Variants in CNN3 observed in about 807,000 individuals in gnomAD.
CNN3 encodes the protein calponin-3.
A neutral mutation model predicts 39.0 loss-of-function variants in CNN3; 11 were observed. The observed-to-expected ratio is 0.28, with a 90% CI of 0.18 to 0.47. The LOEUF (loss-of-function observed/expected upper bound fraction) is 0.47, where lower values mean the gene tolerates loss of function less well. CNN3 is among the 20% of genes least tolerant of loss of function. The probability of loss-of-function intolerance (pLI) is 0.99; values close to 1 mark genes in which losing one functional copy is unlikely to be tolerated. For synonymous variants in CNN3, 101 were observed against 138.3 expected (o/e 0.73, Z 1.89); for missense variants, 266 against 403.4 (o/e 0.66, Z 2.92).
At chr1:94,923,504 T>G (rs998257618) in intron 1 of CNN3, among the ~76,000 whole-genome samples, 5 of 133,098 alleles carry the variant, frequency 3.8e-5, no homozygotes. Context: ...TTCTTAGGCT[T>G]TTTTTTTTTA....
chr1:94,903,214 C>T, intron 2 of CNN3, 26 bp from the exon 3 acceptor site: 1 of 1,603,374 alleles, frequency 6.2e-7, no homozygotes, highest in Non-Finnish European at 8.5e-7. Flanking sequence ...TGAGAGACAT[C>T]TTATTTACTG....
chr1:94,903,069 C>T, intron 3 of CNN3, 53 bp downstream of exon 3: 1 of 1,314,218 alleles, frequency 7.6e-7, no homozygotes, highest in Non-Finnish European at 1.0e-6. Context: ...ATCAAGTTTT[C>T]ACTACATAAA....
rs746010061 is a variant in CNN3, at chr1:94,903,478, C to T, written c.104G>A (p.Trp35Ter). 1.9e-6 allele frequency: 3 copies of T among 1,613,752 alleles called. No individual in the cohort carries two copies. Among genetic ancestry groups the T allele is most frequent in the Non-Finnish European group, 2.5e-6 (3 of 1,179,852 alleles). The change falls in exon 2 of 7, where the codon TGG (tryptophan) becomes TAG (stop). Residue 35 changes from tryptophan to a stop codon, truncating the protein, a stop_gained. Transcript: ENST00000370206. LOFTEE classifies it high-confidence loss of function. The part of the protein sequence containing the change: ...DHQAEEDLRN[W>*]IEEVTGMSIG... ...GCTCATGCCTGTCACCTCTTCTATC[C>T]AATTGCGAAGATCTTCTTCTGCCTG...
Position 94,905,501 on chromosome 1 carries a change from A to G in CNN3, c.58-1977T>C, listed in dbSNP as rs549748831. ...CTTCTGCTTTGACTGAGAGAGGGCAAATGATTTCACTAAATTACTGTGGCA... is the reference window on the plus strand; with the variant it reads ...CTTCTGCTTTGACTGAGAGAGGGCAGATGATTTCACTAAATTACTGTGGCA... On this transcript the variant is annotated intron_variant, in intron 1 of 6. Transcript: ENST00000370206. Among the ~76,000 whole-genome samples the G allele has an allele frequency of 9.9e-5, 15 of 152,266 alleles. 1 individual carries two copies. The South Asian group carries it at 2.3e-3, about 23-fold the overall frequency.
chr1:94,918,438 G>T (rs544674809), intron 1 of CNN3, among the ~76,000 whole-genome samples: 1 of 132,566 alleles, frequency 7.5e-6, no homozygotes, highest in Admixed American at 8.2e-5. Context: ...AGGTTACAAC[G>T]AGCCGAGATC....
chr1:94,920,600 T>C (rs1282858113), intron 1 of CNN3, among the ~76,000 whole-genome samples: 1 of 152,186 alleles, frequency 6.6e-6, no homozygotes, highest in Admixed American at 6.5e-5. Context: ...ATGAGTGTTA[T>C]GATATCCTCA....
rs1326708280 is a variant in CNN3 at position 94,897,186 on chromosome 1, T to G, written c.*556A>C. ...AGATCTTGTTCGCTAGGTAAGAGAA[T>G]GAGTACACATATAATCACAAATGCA... On this transcript the variant is annotated 3_prime_UTR_variant, in exon 7 of 7. Coordinates refer to ENST00000370206, the MANE Select transcript of CNN3 (RefSeq NM_001839.5). The G allele has an allele frequency of 1.3e-5, 2 of 153,174 alleles. No homozygotes were observed. Among genetic ancestry groups the G allele is most frequent in the East Asian group, 3.9e-4 (2 of 5,184 alleles). The allele number at this position is 153,174 out of a possible 1,614,324, so 9.5% of individuals were successfully genotyped here.
At chr1:94,925,486 A>T in intron 1 of CNN3, 3 of 535,668 alleles carry the variant, frequency 5.6e-6, no homozygotes, top group Non-Finnish European at 7.2e-6. Flanking sequence ...AACACGTTTG[A>T]AAAGGTAAAG....
chr1:94,898,292 T>C (rs1019068331), intron 6 of CNN3, among the ~76,000 whole-genome samples: 1 of 152,212 alleles, frequency 6.6e-6, no homozygotes, highest in African/African-American at 2.4e-5. Context: ...AGGTGAGACC[T>C]TTCTTCAAAA....
chr1:94,897,393 A>T lies in CNN3; in HGVS notation c.*349T>A, dbSNP rs1670751451. On this transcript the variant is annotated 3_prime_UTR_variant, in exon 7 of 7. Transcript: ENST00000370206. ...CTGTAAAAAAAAAAAAAAAAAAAAA[A>T]AGTTTCCTATTGTTTGAAAATACCA... The T allele has an allele frequency of 7.2e-6, 1 of 138,186 alleles. No homozygotes were observed. The highest frequency in any genetic ancestry group is 2.3e-4 in the South Asian group (1 of 4,426). The allele number at this position is 138,186 out of a possible 1,614,324, so 8.6% of individuals were successfully genotyped here. A position where few individuals can be genotyped will look rare whatever the true frequency, so the allele number is the denominator to read the frequency against.
In CNN3 at chr1:94,921,832, A is replaced by AAAAAT. The variant is rs1441439329; in HGVS notation, c.57+5005_57+5006insATTTT. ...CATGGTATCTCTTGTCACTTCAGCA[A>AAAAAT]AGTGTATCTTATTTATCTGTTTTGG... On this transcript the variant is annotated intron_variant, in intron 1 of 6. Coordinates refer to ENST00000370206, the MANE Select transcript of CNN3 (RefSeq NM_001839.5). Among the ~76,000 whole-genome samples the AAAAAT allele has an allele frequency of 4.9e-3, 749 of 152,320 alleles. 3 individuals are homozygous for AAAAAT. The highest frequency in any genetic ancestry group is 0.014 in the African/African-American group (563 of 41,570).
intron 1 of CNN3, among the ~76,000 whole-genome samples, chr1:94,918,300 C>T (rs1488690689): frequency 6.6e-6 from 1 of 152,080 alleles, no homozygotes; most frequent in East Asian, 1.9e-4. Flanking sequence ...CAAGACCAGC[C>T]TGGCCAACAT....
intron 1 of CNN3, among the ~76,000 whole-genome samples, chr1:94,908,975 T>G (rs560398712): frequency 2.7e-5 from 2 of 73,508 alleles, no homozygotes; most frequent in South Asian, 7.1e-4. Flanking sequence ...GGAGCCCGTC[T>G]CTTTAAAAAA....
chr1:94,902,356 C>A (rs1052408295), intron 3 of CNN3, 98 bp from the exon 4 acceptor site: 25 of 1,040,190 alleles, frequency 2.4e-5, no homozygotes, highest in Non-Finnish European at 3.3e-5. Context: ...AAGACGCTGC[C>A]CAGAAAGCTG....
chr1:94,899,700 A>C (rs1180709871), intron 5 of CNN3, among the ~76,000 whole-genome samples, 183 bp from the exon 6 acceptor site: 1 of 109,170 alleles, frequency 9.2e-6, no homozygotes, highest in Non-Finnish European at 2.3e-5. Flanking sequence ...TTAAAAAGAA[A>C]ATTTTAAAGT....
At position 94,899,556 on chromosome 1, in the gene CNN3, G is replaced by A. The variant is rs367543490; in HGVS notation, c.502-39C>T. ...AATAAAATTGCACAAATTATCAGAT[G>A]TCAACAATATACACAACACAAACAA... On this transcript the variant is annotated intron_variant, in intron 5 of 6. Coordinates refer to ENST00000370206, the MANE Select transcript of CNN3 (RefSeq NM_001839.5). 5 of 1,601,542 alleles carry A rather than the reference G, an allele frequency of 3.1e-6. No individual in the cohort carries two copies. In the African/African-American group the frequency reaches 6.7e-5, roughly 22 times the overall value.
chr1:94,917,301 G>C (rs1309087149), intron 1 of CNN3, among the ~76,000 whole-genome samples: 1 of 152,208 alleles, frequency 6.6e-6, no homozygotes, highest in African/African-American at 2.4e-5. Context: ...ATCCCAAAAA[G>C]TGTTAGGATT....
At position 94,897,737 on chromosome 1, in the gene CNN3, T is replaced by A; in HGVS notation, c.*5A>T. On this transcript the variant is annotated 3_prime_UTR_variant, in exon 7 of 7. Coordinates refer to ENST00000370206, the MANE Select transcript of CNN3 (RefSeq NM_001839.5). ...GACTAAATACTGAGCTCCTTCTGTG[T>A]GGATCTAATAATCAATGCCTTGGTC... 2.5e-6 allele frequency: 4 copies of A among 1,611,600 alleles called. No individual in the cohort carries two copies. In the East Asian group the frequency reaches 8.9e-5, roughly 36 times the overall value.
intron 5 of CNN3, among the ~76,000 whole-genome samples, chr1:94,900,560 CAACT>C (rs542338747): frequency 6.6e-5 from 10 of 152,076 alleles, no homozygotes; most frequent in South Asian, 2.1e-4. Context: ...GTAATTCAAC[CAACT>C]GACTACTGTT....
Sources: allele counts gnomAD v4.1 joint callset (sites outside exome capture counted in the v4.1 genomes callset), GRCh38; gene constraint gnomAD v4.1.1; transcripts MANE v1.5; gene names NCBI Gene and HGNC (gene_info 2026-07-23, HGNC 2026-07-21).